The following HECTD4 variants were observed in gnomAD, a reference collection of about 807,000 sequenced individuals.
HECTD4 encodes HECT domain E3 ubiquitin protein ligase 4, also known as probable E3 ubiquitin-protein ligase HECTD4.
Under a neutral mutation model 471.5 loss-of-function variants are expected in HECTD4, and 114 were observed. That is an observed-to-expected ratio of 0.24 (90% CI 0.21 to 0.28). The LOEUF is 0.28. Among genes scored for constraint, HECTD4 ranks in the 10% least tolerant of loss-of-function variants. The pLI, the probability that HECTD4 is intolerant of heterozygous loss-of-function variation, is 1.00. For synonymous variants in HECTD4, 2,012 were observed against 2,256.0 expected (o/e 0.89, Z 3.07); for missense variants, 3,866 against 5,651.5 (o/e 0.68, Z 10.13).
Position 112,283,204 on chromosome 12 carries a change from T to C in HECTD4, c.1434A>G (p.Leu478=). 1 of 1,613,800 alleles carries C rather than the reference T, an allele frequency of 6.2e-7. No homozygotes were observed. The highest frequency in any genetic ancestry group is 8.5e-7 in the Non-Finnish European group (1 of 1,179,752). The stretch of plus-strand genomic sequence containing the variant: ...AGGCTCTATACCGAGAAAGTCTACT[T>C]AGAAGCATCTCATTAATGCTTTTGG... The part of the protein sequence containing the change: ...ESAKSINEML[L]SRLSRYRASP... The change falls in exon 8 of 76, where the codon CTA becomes CTG. Residue 478 remains leucine (L), a synonymous_variant. Coordinates refer to ENST00000682272, the MANE Select transcript of HECTD4 (RefSeq NM_001388303.1).
At chr12:112,300,992 C>G (rs2035151799) in intron 7 of HECTD4, among the ~76,000 whole-genome samples, 1 of 151,984 alleles carries the variant, frequency 6.6e-6, no homozygotes, top group South Asian at 2.1e-4. Context: ...TCAAGGAATT[C>G]TCCTGCCTCA....
chr12:112,209,462 G>T (rs2032697298), intron 50 of HECTD4, among the ~76,000 whole-genome samples: 1 of 151,932 alleles, frequency 6.6e-6, no homozygotes, highest in African/African-American at 2.4e-5. Context: ...AGTAGTTGGG[G>T]ATTACAGGCA....
Position 112,179,354 on chromosome 12 carries a change from T to C in HECTD4, c.11031A>G (p.Ile3677Met), listed in dbSNP as rs751803663. ...GCTCTGAATGGGCACAACTCTTAAATATCTCCGTCAGAACCTCTCTGGCTC... is the reference window on the plus strand; with the variant it reads ...GCTCTGAATGGGCACAACTCTTAAACATCTCCGTCAGAACCTCTCTGGCTC... ...VPGAREVLTE[I>M]FKSCAHSEQT... Residue 3677 changes from isoleucine to methionine, a missense_variant, in exon 63 of 76, where the codon ATA becomes ATG. Ile to Met is a conservative substitution (Grantham distance 10). Coordinates refer to ENST00000682272, the MANE Select transcript of HECTD4 (RefSeq NM_001388303.1). The surrounding 1 kb of genome is among the most constrained non-coding windows in gnomAD (Gnocchi z 4.3). The C allele has an allele frequency of 1.2e-6, 2 of 1,613,222 alleles. No individual in the cohort carries two copies. Among genetic ancestry groups the C allele is most frequent in the Non-Finnish European group, 1.7e-6 (2 of 1,179,642 alleles).
chr12:112,248,553 C>T (rs2033809949), intron 25 of HECTD4, 41 bp from the exon 26 acceptor site: 1 of 1,325,612 alleles, frequency 7.5e-7, no homozygotes, highest in Non-Finnish European at 1.0e-6. Context: ...ATGCCATGCT[C>T]TCAGCTTCTC....
At chr12:112,176,754 GATAGGA>G in intron 64 of HECTD4, 52 bp from the exon 65 acceptor site, 2 of 1,273,788 alleles carry the variant, frequency 1.6e-6, no homozygotes, top group Non-Finnish European at 2.3e-6. Flanking sequence ...ACCTCCTCCC[GATAGGA>G]AATACACAGC....
In HECTD4 at chr12:112,233,052, A is replaced by G. The variant is rs1357395717; in HGVS notation, c.5949T>C (p.Thr1983=). The G allele has an allele frequency of 2.5e-6, 4 of 1,612,358 alleles. No homozygotes were observed. Among genetic ancestry groups the G allele is most frequent in the African/African-American group, 1.3e-5 (1 of 75,012 alleles). Residue 1983 remains threonine (T), a synonymous_variant, in exon 38 of 76, where the codon ACT becomes ACC. Coordinates refer to ENST00000682272, the MANE Select transcript of HECTD4 (RefSeq NM_001388303.1). ...TCACAACTTTCTCCATGTTGGCGCC[A>G]GTACCAAGTCGGAAGGGCCGTCCTT... is the stretch of plus-strand genomic sequence containing the variant. ...SSEGRPFRLG[T]GANMEKVVKM...
At chr12:112,255,468 C>T (rs1338948055) in intron 21 of HECTD4, among the ~76,000 whole-genome samples, 1 of 152,052 alleles carries the variant, frequency 6.6e-6, no homozygotes, top group Non-Finnish European at 1.5e-5. Context: ...TGTGTTTCAC[C>T]ATCTCATAGT....
Position 112,273,650 on chromosome 12 carries a change from C to A in HECTD4, c.1942+5G>T. The A allele has an allele frequency of 6.2e-7, 1 of 1,613,502 alleles. No individual in the cohort carries two copies. The highest frequency in any genetic ancestry group is 8.5e-7 in the Non-Finnish European group (1 of 1,179,592). ...TTTTCCTGCAAGACCCTGAGTGCAC[C>A]TCACCTTTGGGCTCAGTGATAATGT... On this transcript the variant is annotated splice_donor_5th_base_variant and intron_variant, in intron 11 of 75. Transcript: ENST00000682272.
At chr12:112,264,761 T>C (rs1318580634) in intron 16 of HECTD4, among the ~76,000 whole-genome samples, 1 of 152,222 alleles carries the variant, frequency 6.6e-6, no homozygotes, top group Non-Finnish European at 1.5e-5. Flanking sequence ...CGGACTTTCA[T>C]AAATTATTAT....
chr12:112,302,865 A>C (rs1188395403), intron 7 of HECTD4, among the ~76,000 whole-genome samples: 2 of 152,108 alleles, frequency 1.3e-5, no homozygotes, highest in Non-Finnish European at 2.9e-5. Flanking sequence ...CTATGTGCTG[A>C]ACCCCTGGCT....
At chr12:112,174,391 G>A (rs867726738) in intron 66 of HECTD4, among the ~76,000 whole-genome samples, 9 of 151,088 alleles carry the variant, frequency 6.0e-5, no homozygotes, top group Admixed American at 3.3e-4. Flanking sequence ...TCAGCCTCCT[G>A]AGTAGCTGGG....
chr12:112,355,177 C>T (rs918462510), intron 1 of HECTD4, among the ~76,000 whole-genome samples: 3 of 150,788 alleles, frequency 2.0e-5, no homozygotes. Flanking sequence ...GACAGGGTTT[C>T]GCCATGTTGG....
intron 49 of HECTD4, among the ~76,000 whole-genome samples, chr12:112,211,730 A>G (rs995220268): frequency 6.6e-6 from 1 of 152,150 alleles, no homozygotes; most frequent in African/African-American, 2.4e-5. Flanking sequence ...GGAGCAGAAG[A>G]AAAAAGAGGA....
intron 1 of HECTD4, among the ~76,000 whole-genome samples, chr12:112,333,383 T>C (rs984683597): frequency 6.6e-6 from 1 of 152,274 alleles, no homozygotes; most frequent in Non-Finnish European, 1.5e-5. Context: ...TTTCTGATTA[T>C]AGTCATCCTA....
chr12:112,252,359 T>C, intron 23 of HECTD4, 65 bp downstream of exon 23: 2 of 1,466,194 alleles, frequency 1.4e-6, no homozygotes, highest in Non-Finnish European at 9.1e-7. Flanking sequence ...GCAAATATGC[T>C]GTATGTAATC....
chr12:112,309,815 G>T, intron 4 of HECTD4, 146 bp from the exon 5 acceptor site: 1 of 517,066 alleles, frequency 1.9e-6, no homozygotes, highest in Non-Finnish European at 3.4e-6. Context: ...GTGACTTTCA[G>T]GGAAGATGGC....
At chr12:112,324,897 A>G (rs1378820060) in intron 1 of HECTD4, among the ~76,000 whole-genome samples, 4 of 152,196 alleles carry the variant, frequency 2.6e-5, no homozygotes, top group African/African-American at 4.8e-5. Flanking sequence ...TATATAAAAT[A>G]CCTACCTATG....
chr12:112,376,463 G>A, intron 1 of HECTD4, among the ~76,000 whole-genome samples: 1 of 151,858 alleles, frequency 6.6e-6, no homozygotes, highest in African/African-American at 2.4e-5. Flanking sequence ...AGCCAGGATG[G>A]TCTCGATCTC....
At chr12:112,355,286 T>TAA (rs1253949622) in intron 1 of HECTD4, among the ~76,000 whole-genome samples, 5 of 15,804 alleles carry the variant, frequency 3.2e-4, no homozygotes, top group Non-Finnish European at 4.5e-4. Flanking sequence ...CAAATGGGAT[T>TAA]CAAAAAAAAA....
Sources: gnomAD v4.1 joint callset for allele counts (sites outside exome capture counted in the v4.1 genomes callset) on GRCh38, gnomAD v4.1.1 for gene constraint, Gnocchi (gnomAD v3.1) non-coding constraint, MANE v1.5 for transcripts, NCBI Gene and HGNC (gene_info 2026-07-23, HGNC 2026-07-21) for gene names.